The following ITGB5 variants were observed in gnomAD, a reference collection of about 807,000 sequenced individuals.
ITGB5 encodes the protein integrin subunit beta 5, also known as integrin beta-5.
Under a neutral mutation model 84.8 loss-of-function variants are expected in ITGB5, and 38 were observed. The ratio of observed to expected loss-of-function variants is 0.45; its 90% CI spans 0.35 to 0.59. ITGB5 has a LOEUF of 0.59. Among genes scored for constraint, ITGB5 ranks in the 20% least tolerant of loss-of-function variants. The pLI is 0.01. For missense variants in ITGB5, 905 were observed against 1,034.5 expected (o/e 0.87, Z 1.72); for synonymous variants, 393 against 414.4 (o/e 0.95, Z 0.63).
chr3:124,843,645 G>A (rs1032227281), intron 4 of ITGB5, among the ~76,000 whole-genome samples: 2 of 152,158 alleles, frequency 1.3e-5, no homozygotes, highest in African/African-American at 2.4e-5. Context: ...TCACACAGAC[G>A]CTAGGAGAGT....
At chr3:124,854,877 G>A (rs536404539) in intron 3 of ITGB5, among the ~76,000 whole-genome samples, 1 of 152,104 alleles carries the variant, frequency 6.6e-6, no homozygotes, top group Non-Finnish European at 1.5e-5. Flanking sequence ...TTGCCTTCAT[G>A]AAGTGTCTTT....
chr3:124,764,583 C>T, intron 13 of ITGB5, 26 bp from the exon 14 acceptor site: 1 of 1,588,288 alleles, frequency 6.3e-7, no homozygotes, highest in Non-Finnish European at 8.6e-7. Flanking sequence ...GCATGGTAAG[C>T]AAAGCCACTA....
chr3:124,900,668 G>A (rs1935197475), intron 1 of ITGB5, among the ~76,000 whole-genome samples: 1 of 152,090 alleles, frequency 6.6e-6, no homozygotes, highest in Non-Finnish European at 1.5e-5. Flanking sequence ...TTTTTGCACT[G>A]TGGATTGTCA....
chr3:124,764,740 A>C (rs1280795653), intron 13 of ITGB5, among the ~76,000 whole-genome samples, 183 bp from the exon 14 acceptor site: 1 of 152,242 alleles, frequency 6.6e-6, no homozygotes, highest in African/African-American at 2.4e-5. Context: ...AGGGACAGTG[A>C]CTGTTCTAAA....
At chr3:124,831,758 T>C (rs2064863525) in intron 5 of ITGB5, among the ~76,000 whole-genome samples, 1 of 152,152 alleles carries the variant, frequency 6.6e-6, no homozygotes, top group South Asian at 2.1e-4. Context: ...CTCAAGACTG[T>C]TATCAACGCA....
At chr3:124,826,412 C>A (rs2064785139) in intron 5 of ITGB5, among the ~76,000 whole-genome samples, 1 of 152,176 alleles carries the variant, frequency 6.6e-6, no homozygotes, top group Non-Finnish European at 1.5e-5. Flanking sequence ...GCAGTTTCAG[C>A]CAACTATTCA....
At chr3:124,859,488 G>A in intron 2 of ITGB5, 42 bp from the exon 3 acceptor site, 3 of 1,545,890 alleles carry the variant, frequency 1.9e-6, no homozygotes, top group Middle Eastern at 1.7e-4. Flanking sequence ...GGTGGTCAGG[G>A]TGTCTCCCGA....
At chr3:124,883,299 G>A (rs890749602) in intron 1 of ITGB5, among the ~76,000 whole-genome samples, 2 of 152,124 alleles carry the variant, frequency 1.3e-5, no homozygotes, top group Non-Finnish European at 2.9e-5. Flanking sequence ...TTAATTCCCC[G>A]TTGCCTCAGT....
At chr3:124,845,520 T>C (rs769838924) in intron 4 of ITGB5, among the ~76,000 whole-genome samples, 1 of 152,262 alleles carries the variant, frequency 6.6e-6, no homozygotes, top group Non-Finnish European at 1.5e-5. Flanking sequence ...CATTCTTCAC[T>C]GGACTTCCTG....
At position 124,809,015 on chromosome 3, in the gene ITGB5, GACTT is replaced by G. The variant is rs1579230979; in HGVS notation, c.1263+3_1263+6del. ...AAGAGTTCATACAAACTTGGGGTGA[GACTT>G]ACCGTGTCCCCAATCTTCAGACCCT... On this transcript the variant is annotated splice_donor_5th_base_variant and intron_variant, in intron 9 of 14. Transcript: ENST00000296181. 1 of 1,613,772 alleles carries G rather than the reference GACTT, an allele frequency of 6.2e-7. No homozygotes were observed. The highest frequency in any genetic ancestry group is 8.5e-7 in the Non-Finnish European group (1 of 1,179,856).
intron 5 of ITGB5, among the ~76,000 whole-genome samples, chr3:124,833,816 A>G (rs1306506389): frequency 6.6e-6 from 1 of 152,210 alleles, no homozygotes; most frequent in Non-Finnish European, 1.5e-5. Context: ...TCATAAGAAA[A>G]AAGACATAGT....
At chr3:124,840,273 C>T (rs1286276321) in intron 5 of ITGB5, among the ~76,000 whole-genome samples, 1 of 152,210 alleles carries the variant, frequency 6.6e-6, no homozygotes, top group African/African-American at 2.4e-5. Flanking sequence ...ATGGAAGAGT[C>T]CCCACCTATT....
intron 1 of ITGB5, among the ~76,000 whole-genome samples, chr3:124,896,299 G>C (rs1319934958): frequency 1.3e-5 from 2 of 152,172 alleles, no homozygotes; most frequent in African/African-American, 4.8e-5. Flanking sequence ...TCTTCTCCCA[G>C]CTTCAGTGGA....
Position 124,887,089 on chromosome 3 carries a change from G to A in ITGB5, c.-89C>T. On this transcript the variant is annotated 5_prime_UTR_variant, in exon 1 of 15. Coordinates refer to ENST00000296181, the MANE Select transcript of ITGB5 (RefSeq NM_002213.5). ...TGGGGCCGGAGCGCGGGGGCCGAGG[G>A]CCGGGGGCCGCAGCCGCATGCCCCG... is the stretch of plus-strand genomic sequence containing the variant. 1 of 379,110 alleles carries A rather than the reference G, an allele frequency of 2.6e-6. No individual in the cohort carries two copies. Among genetic ancestry groups the A allele is most frequent in the Non-Finnish European group, 3.6e-6 (1 of 277,756 alleles). 23.5% of individuals were successfully genotyped at this position (379,110 alleles called of 1,614,324 possible).
At chr3:124,826,611 A>G (rs915254368) in intron 5 of ITGB5, among the ~76,000 whole-genome samples, 1 of 152,254 alleles carries the variant, frequency 6.6e-6, no homozygotes, top group Non-Finnish European at 1.5e-5. Flanking sequence ...AGCAAGGGCC[A>G]GAGAAGCCAG....
At chr3:124,830,031 C>T (rs1027174445) in intron 5 of ITGB5, among the ~76,000 whole-genome samples, 2 of 152,192 alleles carry the variant, frequency 1.3e-5, no homozygotes, top group African/African-American at 4.8e-5. Context: ...AAGACAGACT[C>T]GCTGGCTTGT....
Position 124,886,927 on chromosome 3 carries a change from T to G in ITGB5, c.70+4A>C. On this transcript the variant is annotated splice_donor_region_variant and intron_variant, in intron 1 of 14. Coordinates refer to ENST00000296181, the MANE Select transcript of ITGB5 (RefSeq NM_002213.5). ...CTCTGGGCGCCGTGGGCGGCGCGGCTTACCTGCGAGCCGGGGCAGGAGCGC... is the reference window on the plus strand; with the variant it reads ...CTCTGGGCGCCGTGGGCGGCGCGGCGTACCTGCGAGCCGGGGCAGGAGCGC... The G allele has an allele frequency of 8.3e-7, 1 of 1,210,940 alleles. No individual in the cohort carries two copies. Among genetic ancestry groups the G allele is most frequent in the Non-Finnish European group, 1.0e-6 (1 of 974,626 alleles). 75.0% of individuals were successfully genotyped at this position (1,210,940 alleles called of 1,614,324 possible). A position where few individuals can be genotyped will look rare whatever the true frequency, so the allele number is the denominator to read the frequency against.
intron 1 of ITGB5, among the ~76,000 whole-genome samples, chr3:124,899,007 G>A (rs1213458601): frequency 3.3e-5 from 5 of 151,904 alleles, no homozygotes; most frequent in East Asian, 1.9e-4. Context: ...CCAGGGAGGC[G>A]GAGGTTGCAG....
chr3:124,829,943 G>T (rs2064835980), intron 5 of ITGB5, among the ~76,000 whole-genome samples: 1 of 152,120 alleles, frequency 6.6e-6, no homozygotes. Flanking sequence ...CATGAAAAGG[G>T]GAAGCAGGAA....
Sources: allele counts gnomAD v4.1 joint callset (sites outside exome capture counted in the v4.1 genomes callset), GRCh38; gene constraint gnomAD v4.1.1; transcripts MANE v1.5; gene names NCBI Gene and HGNC (gene_info 2026-07-23, HGNC 2026-07-21).